Variants in ESR2 observed in about 807,000 individuals in gnomAD.
ESR2 encodes the protein estrogen receptor 2, also known as estrogen receptor beta.
In ESR2, 36 loss-of-function variants were observed where a neutral mutation model predicts 49.6. That is an observed-to-expected ratio of 0.73 (90% CI 0.56 to 0.96). ESR2 has a LOEUF of 0.96. Among genes scored for constraint, ESR2 ranks in the 40% least tolerant of loss-of-function variants. ESR2 has a pLI of 0.00. For synonymous variants in ESR2, 320 were observed against 266.1 expected (o/e 1.20, Z -1.97); for missense variants, 714 against 693.0 (o/e 1.03, Z -0.34).
intron 3 of ESR2, among the ~76,000 whole-genome samples, chr14:64,269,672 G>T (rs950003326): frequency 2.6e-5 from 4 of 152,138 alleles, no homozygotes; most frequent in South Asian, 4.1e-4. Context: ...TCCCACAAAA[G>T]CCCAGAACCA....
intron 1 of ESR2, among the ~76,000 whole-genome samples, chr14:64,307,847 A>G (rs966447511): frequency 1.3e-4 from 19 of 151,892 alleles, no homozygotes; most frequent in African/African-American, 4.1e-4. Flanking sequence ...GGATTTATTA[A>G]TTTTATTGAT....
chr14:64,298,803 C>T (rs2076988880), upstream of ESR2, among the ~76,000 whole-genome samples: 1 of 152,130 alleles, frequency 6.6e-6, no homozygotes, highest in African/African-American at 2.4e-5. Flanking sequence ...CTGTCCACTG[C>T]CCCTCAAAGG....
At chr14:64,312,716 G>A (rs2077199998) in intron 1 of ESR2, among the ~76,000 whole-genome samples, 2 of 152,090 alleles carry the variant, frequency 1.3e-5, no homozygotes, top group Admixed American at 1.3e-4. Context: ...ACAGTCAAAA[G>A]TTCAAGACCA....
intron 7 of ESR2, among the ~76,000 whole-genome samples, chr14:64,242,866 C>CAGTT (rs2075767338): frequency 6.6e-6 from 1 of 152,138 alleles, no homozygotes; most frequent in Admixed American, 6.5e-5. Context: ...ATTGGACTTA[C>CAGTT]AGTTCCACAT....
intron 1 of ESR2, among the ~76,000 whole-genome samples, chr14:64,288,921 G>T (rs1164836682): frequency 6.6e-6 from 1 of 150,522 alleles, no homozygotes; most frequent in African/African-American, 2.4e-5. Flanking sequence ...AGGAGGTGGA[G>T]GTTGCGGTGA....
intron 7 of ESR2, among the ~76,000 whole-genome samples, chr14:64,236,930 G>A (rs1596367953): frequency 6.6e-6 from 1 of 151,336 alleles, no homozygotes; most frequent in Non-Finnish European, 1.5e-5. Context: ...CAGCAAGACT[G>A]GACATGAGTG....
At chr14:64,287,380 G>C (rs2076801100) in intron 1 of ESR2, among the ~76,000 whole-genome samples, 1 of 152,178 alleles carries the variant, frequency 6.6e-6, no homozygotes, top group African/African-American at 2.4e-5. Flanking sequence ...AGAAAATACA[G>C]ATCTCACATC....
At position 64,230,118 on chromosome 14, in the gene ESR2, G is replaced by T. The variant is rs1484780528; in HGVS notation, c.*3019C>A. ...GCACTGTGGTGGGAGGATCGCTTGA[G>T]CCCAGGAGGTCGAGGCTGCAGTGAG... On this transcript the variant is annotated 3_prime_UTR_variant, in exon 9 of 9. Transcript: ENST00000341099. Among the ~76,000 whole-genome samples, 1 of 151,294 alleles carries T rather than the reference G, an allele frequency of 6.6e-6. No individual in the cohort carries two copies. The highest frequency in any genetic ancestry group is 1.5e-5 in the Non-Finnish European group (1 of 67,946).
chr14:64,280,615 C>T (rs534566642), intron 2 of ESR2, among the ~76,000 whole-genome samples: 11 of 152,254 alleles, frequency 7.2e-5, no homozygotes, highest in Admixed American at 7.2e-4. Context: ...TCAGTCATTC[C>T]CAACAGCATT....
rs776036845 is a variant in ESR2 at position 64,260,678 on chromosome 14, A to G, written c.723T>C (p.Cys241=). ...CGCCACTTCTCTTGGCCTTGCCGGCACAGTGCAGCTGCTCGTCGGCACTTC... is the reference window on the plus strand; with the variant it reads ...CGCCACTTCTCTTGGCCTTGCCGGCGCAGTGCAGCTGCTCGTCGGCACTTC... The part of the protein sequence containing the change: ...RQRSADEQLH[C]AGKAKRSGGH... The change falls in exon 5 of 9, where the codon TGT becomes TGC. Residue 241 remains cysteine (C), a synonymous_variant. Coordinates refer to ENST00000341099, the MANE Select transcript of ESR2 (RefSeq NM_001437.3). 2.5e-6 allele frequency: 4 copies of G among 1,577,568 alleles called. No homozygotes were observed. Among genetic ancestry groups the G allele is most frequent in the Non-Finnish European group, 3.5e-6 (4 of 1,159,112 alleles).
At position 64,289,368 on chromosome 14, in the gene ESR2, C is replaced by T. The variant is rs1049951766; in HGVS notation, c.-91+4665G>A. 3.3e-5 allele frequency among the ~76,000 whole-genome samples: 5 copies of T among 152,054 alleles called. 1 individual carries two copies. The South Asian group carries it at 8.3e-4, about 25-fold the overall frequency. On this transcript the variant is annotated intron_variant, in intron 1 of 8. Transcript: ENST00000341099. The stretch of plus-strand genomic sequence containing the variant: ...TCTCTACTAAAAATACAAAATTAGC[C>T]GGGCATGGTGGCACATGCCTGTAAT...
Position 64,229,024 on chromosome 14 carries a change from C to A in ESR2, c.*4113G>T, listed in dbSNP as rs2098724845. Among the ~76,000 whole-genome samples, 1 of 152,138 alleles carries A rather than the reference C, an allele frequency of 6.6e-6. No homozygotes were observed. The highest frequency in any genetic ancestry group is 1.5e-5 in the Non-Finnish European group (1 of 68,032). On this transcript the variant is annotated 3_prime_UTR_variant, in exon 9 of 9. Transcript: ENST00000341099. ...ATGTGAATTTTACATGAGTACACTT[C>A]CAAGGAACATATTCCACGTGTTTGG...
chr14:64,278,367 G>A (rs1458781229), intron 3 of ESR2, among the ~76,000 whole-genome samples: 1 of 152,050 alleles, frequency 6.6e-6, no homozygotes, highest in Non-Finnish European at 1.5e-5. Flanking sequence ...GAATTTCAGG[G>A]GACAGGTAGG....
At chr14:64,304,994 T>C (rs1256130673) in intron 1 of ESR2, among the ~76,000 whole-genome samples, 3 of 152,046 alleles carry the variant, frequency 2.0e-5, no homozygotes, top group African/African-American at 4.8e-5. Context: ...AAACTGCTTA[T>C]AAAAATTAAT....
At chr14:64,331,724 T>C (rs1040275609) in intron 1 of ESR2, among the ~76,000 whole-genome samples, 1 of 143,124 alleles carries the variant, frequency 7.0e-6, no homozygotes, top group Non-Finnish European at 1.5e-5. Context: ...CTAAAGAGGC[T>C]AAGGCAAGAG....
intron 6 of ESR2, among the ~76,000 whole-genome samples, chr14:64,253,004 C>A (rs1242710476): frequency 6.6e-6 from 1 of 150,388 alleles, no homozygotes; most frequent in East Asian, 2.0e-4. Context: ...TACAGGCACA[C>A]ACCACTATGC....
Position 64,283,006 on chromosome 14 carries a change from A to G in ESR2, c.-21T>C, listed in dbSNP as rs1301979773. 1.3e-6 allele frequency: 2 copies of G among 1,594,892 alleles called. No homozygotes were observed. Among genetic ancestry groups the G allele is most frequent in the Non-Finnish European group, 1.7e-6 (2 of 1,169,546 alleles). Reference sequence around the variant, plus strand: ...TCCATGTCTTGAGATAACAGCTGAGAAAACACCTTGCAAGAAGAGGCACAA... The same window carrying G: ...TCCATGTCTTGAGATAACAGCTGAGGAAACACCTTGCAAGAAGAGGCACAA... On this transcript the variant is annotated 5_prime_UTR_variant, in exon 2 of 9. Coordinates refer to ENST00000341099, the MANE Select transcript of ESR2 (RefSeq NM_001437.3).
intron 1 of ESR2, among the ~76,000 whole-genome samples, chr14:64,306,070 A>T (rs1294528610): frequency 6.6e-6 from 1 of 152,004 alleles, no homozygotes; most frequent in African/African-American, 2.4e-5. Flanking sequence ...TTAGCTGGGC[A>T]TGGTGGCGCA....
chr14:64,267,206 A>C (rs1273759200), intron 4 of ESR2, among the ~76,000 whole-genome samples: 1 of 152,216 alleles, frequency 6.6e-6, no homozygotes, highest in Non-Finnish European at 1.5e-5. Flanking sequence ...GAAAAAAACC[A>C]AACTTGTCTT....
Sources: gnomAD v4.1 joint callset for allele counts (sites outside exome capture counted in the v4.1 genomes callset) on GRCh38, gnomAD v4.1.1 for gene constraint, MANE v1.5 for transcripts, NCBI Gene and HGNC (gene_info 2026-07-23, HGNC 2026-07-21) for gene names.